The following CDH12 variants were observed in gnomAD, a reference collection of about 807,000 sequenced individuals.
CDH12 encodes cadherin 12.
A neutral mutation model predicts 74.1 loss-of-function variants in CDH12; 41 were observed. The ratio of observed to expected loss-of-function variants is 0.55; its 90% CI spans 0.43 to 0.72. The LOEUF (loss-of-function observed/expected upper bound fraction) is 0.72, where lower values mean the gene tolerates loss of function less well. Ranked by LOEUF, CDH12 falls within the 30% of genes least tolerant of loss-of-function variation. The probability of loss-of-function intolerance (pLI) is 0.00; values close to 1 mark genes in which losing one functional copy is unlikely to be tolerated. For synonymous variants in CDH12, 399 were observed against 355.0 expected, an observed-to-expected ratio of 1.12 and a Z score of -1.39; for missense variants, 945 against 977.2, an observed-to-expected ratio of 0.97 and a Z score of 0.44.
At chr5:22,077,822 T>G (rs1446051774) in intron 5 of CDH12, among the ~76,000 whole-genome samples, 1 of 152,290 alleles carries the variant, frequency 6.6e-6, no homozygotes, top group South Asian at 2.1e-4. Context: ...GCTCTGTTGA[T>G]GTGTACATAT....
chr5:22,081,343 A>AT (rs1323486379), intron 4 of CDH12, among the ~76,000 whole-genome samples: 9 of 152,060 alleles, frequency 5.9e-5, no homozygotes, highest in Admixed American at 2.6e-4. Flanking sequence ...ATGGTAATGT[A>AT]TTTTTTTCTC....
intron 4 of CDH12, among the ~76,000 whole-genome samples, chr5:22,137,167 G>C (rs2150293427): frequency 6.6e-6 from 1 of 151,986 alleles, no homozygotes; most frequent in East Asian, 1.9e-4. Context: ...AATTTTCTTA[G>C]AAGTAATCTT....
chr5:22,577,550 T>G (rs1350830456), intron 1 of CDH12, among the ~76,000 whole-genome samples: 1 of 152,114 alleles, frequency 6.6e-6, no homozygotes, highest in Admixed American at 6.6e-5. Context: ...TGTTCCAGAA[T>G]GTGTAGGCTG....
At chr5:22,350,951 G>T (rs192043592) in intron 3 of CDH12, among the ~76,000 whole-genome samples, 290 of 152,260 alleles carry the variant, frequency 1.9e-3, no homozygotes, top group Middle Eastern at 0.017. Context: ...ACTAATACAT[G>T]TAGTTTCAAA....
intron 1 of CDH12, among the ~76,000 whole-genome samples, chr5:22,567,683 T>C (rs1466976448): frequency 6.6e-6 from 1 of 152,198 alleles, no homozygotes; most frequent in Non-Finnish European, 1.5e-5. Context: ...TTTTCCTCTT[T>C]AAAAGAGCAG....
chr5:22,191,676 T>TGCCTCA (rs1156418479), intron 4 of CDH12, among the ~76,000 whole-genome samples: 1 of 147,018 alleles, frequency 6.8e-6, no homozygotes. Context: ...GCCATTCTCC[T>TGCCTCA]GCCTCAGCCT....
At chr5:22,663,953 C>A (rs1466427977) in intron 1 of CDH12, among the ~76,000 whole-genome samples, 1 of 151,694 alleles carries the variant, frequency 6.6e-6, no homozygotes, top group Non-Finnish European at 1.5e-5. Flanking sequence ...TTGTATAAGT[C>A]ACACAAATTT....
At chr5:22,362,244 A>G (rs1740837636) in intron 3 of CDH12, among the ~76,000 whole-genome samples, 1 of 152,176 alleles carries the variant, frequency 6.6e-6, no homozygotes, top group Admixed American at 6.5e-5. Flanking sequence ...GAAAAAAACA[A>G]ACAACCCCAT....
At chr5:21,996,023 G>A (rs1156243997) in intron 5 of CDH12, among the ~76,000 whole-genome samples, 1 of 149,086 alleles carries the variant, frequency 6.7e-6, no homozygotes, top group Non-Finnish European at 1.5e-5. Flanking sequence ...AATGAAGCTT[G>A]AAATTTATTG....
rs756686173 is a variant in CDH12, at chr5:21,842,344, C to A, written c.647-16G>T. The A allele has an allele frequency of 1.3e-6, 2 of 1,540,386 alleles. No homozygotes were observed. The highest frequency in any genetic ancestry group is 2.0e-5 in the Admixed American group (1 of 49,904). On this transcript the variant is annotated splice_polypyrimidine_tract_variant and intron_variant, in intron 7 of 14. Transcript: ENST00000382254. ...CTAATAACACCTTAAGGGATAAAAGCAATAATGTAAAATAAATATCACAAA... is the reference window on the plus strand; with the variant it reads ...CTAATAACACCTTAAGGGATAAAAGAAATAATGTAAAATAAATATCACAAA...
In CDH12 at chr5:22,219,546, T is replaced by G. The variant is rs542132165; in HGVS notation, c.-332-6903A>C. ...TGCCTTGCTGACTTTATTTCCCTTA[T>G]TAAAATAATTTAAACTCTCTGCAGT... On this transcript the variant is annotated intron_variant, in intron 3 of 14. Transcript: ENST00000382254. Among the ~76,000 whole-genome samples the G allele has an allele frequency of 3.3e-5, 5 of 151,836 alleles. No homozygotes were observed. The South Asian group carries it at 1.0e-3, about 31-fold the overall frequency.
intron 6 of CDH12, among the ~76,000 whole-genome samples, chr5:21,910,587 C>T (rs541028362): frequency 7.2e-5 from 11 of 151,964 alleles, no homozygotes; most frequent in Non-Finnish European, 1.6e-4. Context: ...ATCTGCTTTA[C>T]CTGAGGAGCT....
chr5:21,945,938 C>T (rs563986082), intron 6 of CDH12, among the ~76,000 whole-genome samples: 1 of 150,998 alleles, frequency 6.6e-6, no homozygotes, highest in East Asian at 1.9e-4. Flanking sequence ...AGAAACAGAG[C>T]AAATCTTAAA....
At position 22,676,632 on chromosome 5, in the gene CDH12, T is replaced by C. The variant is rs184235070; in HGVS notation, c.-522-171268A>G. Among the ~76,000 whole-genome samples the C allele has an allele frequency of 7.2e-5, 11 of 152,290 alleles. No individual in the cohort carries two copies. In the East Asian group the frequency reaches 1.9e-3, roughly 27 times the overall value. On this transcript the variant is annotated intron_variant, in intron 1 of 14. Coordinates refer to ENST00000382254, the MANE Select transcript of CDH12 (RefSeq NM_004061.5). ...TATTGTCAAGTATTCTTGTAAGTAC[T>C]AAAAATATAGAGAAGATAATACAGA... is the stretch of plus-strand genomic sequence containing the variant.
intron 1 of CDH12, among the ~76,000 whole-genome samples, chr5:22,792,007 C>A (rs1044465324): frequency 4.0e-5 from 6 of 151,070 alleles, no homozygotes; most frequent in African/African-American, 1.5e-4. Context: ...TAACTGGAGA[C>A]ATTTCTTATT....
At chr5:21,791,863 A>T (rs2149908696) in intron 10 of CDH12, among the ~76,000 whole-genome samples, 1 of 151,844 alleles carries the variant, frequency 6.6e-6, no homozygotes, top group Admixed American at 6.6e-5. Flanking sequence ...TGTACTTTTC[A>T]ATTTGCTTAA....
At chr5:22,086,739 GA>G (rs920943143) in intron 4 of CDH12, among the ~76,000 whole-genome samples, 15 of 142,988 alleles carry the variant, frequency 1.0e-4, no homozygotes, top group South Asian at 4.4e-4. Flanking sequence ...TACAAGCCAA[GA>G]AAAAAAAAAT....
chr5:22,062,889 C>T (rs1741288795), intron 5 of CDH12, among the ~76,000 whole-genome samples: 1 of 152,124 alleles, frequency 6.6e-6, no homozygotes, highest in South Asian at 2.1e-4. Context: ...AGGAATCACT[C>T]TGATATTGAA....
At chr5:22,608,668 T>A (rs1161052250) in intron 1 of CDH12, among the ~76,000 whole-genome samples, 1 of 152,136 alleles carries the variant, frequency 6.6e-6, no homozygotes, top group African/African-American at 2.4e-5. Context: ...TTGTAACAAT[T>A]CCCATGTGTC....
Sources: allele counts gnomAD v4.1 joint callset (sites outside exome capture counted in the v4.1 genomes callset), GRCh38; gene constraint gnomAD v4.1.1; transcripts MANE v1.5; gene names NCBI Gene and HGNC (gene_info 2026-07-23, HGNC 2026-07-21).